The following CNTNAP2 variants were observed in gnomAD, a reference collection of about 807,000 sequenced individuals.
CNTNAP2 encodes the protein contactin-associated protein-like 2.
Under a neutral mutation model 155.2 loss-of-function variants are expected in CNTNAP2, and 98 were observed. The ratio of observed to expected loss-of-function variants is 0.63; its 90% confidence interval spans 0.54 to 0.75. The LOEUF (loss-of-function observed/expected upper bound fraction) is 0.75, where lower values mean the gene tolerates loss of function less well. Among genes scored for constraint, CNTNAP2 ranks in the 30% least tolerant of loss-of-function variants. CNTNAP2 has a pLI of 0.00. For synonymous variants in CNTNAP2, 651 were observed against 631.2 expected (o/e 1.03, Z -0.47); for missense variants, 1,727 against 1,688.1 (o/e 1.02, Z -0.40).
chr7:147,968,205 A>G (rs1801258342), intron 14 of CNTNAP2, among the ~76,000 whole-genome samples: 1 of 152,254 alleles, frequency 6.6e-6, no homozygotes, highest in African/African-American at 2.4e-5. Flanking sequence ...CAAATCAAAG[A>G]AAAACGTTTT....
Position 147,344,822 on chromosome 7 carries a change from T to C in CNTNAP2, c.1498+44532T>C, listed in dbSNP as rs143209904. Among the ~76,000 whole-genome samples the C allele has an allele frequency of 3.1e-3, 465 of 152,258 alleles. 5 individuals are homozygous for C. The highest frequency in any genetic ancestry group is 0.01 in the African/African-American group (432 of 41,546). ...ATAAACGTACATTAGGATCAAAATATTTCACATATCATCTGATTCTTCTGT... is the reference window on the plus strand; with the variant it reads ...ATAAACGTACATTAGGATCAAAATACTTCACATATCATCTGATTCTTCTGT... On this transcript the variant is annotated intron_variant, in intron 9 of 23. Coordinates refer to ENST00000361727, the MANE Select transcript of CNTNAP2 (RefSeq NM_014141.6).
chr7:148,085,556 A>T (rs1244895713), intron 15 of CNTNAP2, among the ~76,000 whole-genome samples: 1 of 152,194 alleles, frequency 6.6e-6, no homozygotes, highest in East Asian at 1.9e-4. Context: ...CAGCTCCCAA[A>T]TTGAAAAGAT....
In CNTNAP2 at chr7:148,281,005, G is replaced by T. The variant is rs150652422; in HGVS notation, c.3475+13879G>T. Among the ~76,000 whole-genome samples the T allele has an allele frequency of 1.7e-3, 262 of 152,276 alleles. 1 individual carries two copies. The highest frequency in any genetic ancestry group is 6.1e-3 in the African/African-American group (252 of 41,560). On this transcript the variant is annotated intron_variant, in intron 21 of 23. Coordinates refer to ENST00000361727, the MANE Select transcript of CNTNAP2 (RefSeq NM_014141.6). ...CTTCTGTGGAGCCATTTATTCATGG[G>T]ATATTTAGTCAGTGTCTCCTAGGGG...
chr7:147,148,186 C>G (rs1258341221), intron 8 of CNTNAP2, among the ~76,000 whole-genome samples: 1 of 151,456 alleles, frequency 6.6e-6, no homozygotes, highest in African/African-American at 2.4e-5. Context: ...GTCAGGAGAT[C>G]GAGACCATCC....
At chr7:146,373,690 TATAAC>T (rs1289203402) in intron 1 of CNTNAP2, among the ~76,000 whole-genome samples, 9 of 151,972 alleles carry the variant, frequency 5.9e-5, no homozygotes, top group Non-Finnish European at 1.3e-4. Context: ...TTGCCATAAA[TATAAC>T]AGAGAAAATA....
rs147675293 is a variant in CNTNAP2, at chr7:147,342,511, G to A, written c.1498+42221G>A. 3.1e-3 allele frequency among the ~76,000 whole-genome samples: 465 copies of A among 152,208 alleles called. 5 individuals are homozygous for A. Among genetic ancestry groups the A allele is most frequent in the African/African-American group, 0.01 (431 of 41,536 alleles). On this transcript the variant is annotated intron_variant, in intron 9 of 23. Coordinates refer to ENST00000361727, the MANE Select transcript of CNTNAP2 (RefSeq NM_014141.6). ...TGGTGGCCAGTTTAATGTCAGAAAT[G>A]TTTCCAAGCTTCTATTTATATTTGG...
chr7:148,193,212 AGG>A (rs1585179307), intron 18 of CNTNAP2, among the ~76,000 whole-genome samples: 2 of 152,140 alleles, frequency 1.3e-5, no homozygotes, highest in East Asian at 3.9e-4. Context: ...ACAGATTGAG[AGG>A]TTAGGTACTA....
chr7:147,018,327 C>G (rs1798761070), intron 3 of CNTNAP2, among the ~76,000 whole-genome samples: 1 of 152,008 alleles, frequency 6.6e-6, no homozygotes, highest in African/African-American at 2.4e-5. Context: ...GAATATTTAC[C>G]TAACTCCTTG....
At chr7:147,269,316 C>A (rs1804687926) in intron 8 of CNTNAP2, among the ~76,000 whole-genome samples, 2 of 152,070 alleles carry the variant, frequency 1.3e-5, no homozygotes, top group African/African-American at 4.8e-5. Flanking sequence ...TTGCAAAAAA[C>A]AAAGATTCTC....
intron 12 of CNTNAP2, among the ~76,000 whole-genome samples, chr7:147,595,515 G>A (rs1466274400): frequency 1.3e-5 from 2 of 152,218 alleles, no homozygotes; most frequent in East Asian, 3.9e-4. Context: ...AACGTTAGGT[G>A]GCTTAAAATA....
intron 10 of CNTNAP2, among the ~76,000 whole-genome samples, chr7:147,476,074 G>T (rs7458418): frequency 6.6e-6 from 1 of 151,424 alleles, no homozygotes; most frequent in African/African-American, 2.4e-5. Flanking sequence ...TAATATCCCC[G>T]CCTCTGTTTA....
chr7:147,726,281 G>T (rs188135181), intron 13 of CNTNAP2, among the ~76,000 whole-genome samples: 7 of 152,098 alleles, frequency 4.6e-5, no homozygotes, highest in African/African-American at 7.2e-5. Context: ...ACACAAAGAG[G>T]ACACAAGAAG....
At chr7:147,385,888 C>G (rs1459808928) in intron 9 of CNTNAP2, among the ~76,000 whole-genome samples, 1 of 152,212 alleles carries the variant, frequency 6.6e-6, no homozygotes, top group Non-Finnish European at 1.5e-5. Context: ...AGCAGAGGCT[C>G]TTCATGAGGG....
intron 8 of CNTNAP2, among the ~76,000 whole-genome samples, chr7:147,298,247 A>T (rs1477630052): frequency 6.6e-6 from 1 of 152,088 alleles, no homozygotes. Context: ...TGACATGGTG[A>T]AACCATGTCT....
chr7:147,743,877 G>C (rs1220818304), intron 13 of CNTNAP2, among the ~76,000 whole-genome samples: 1 of 152,130 alleles, frequency 6.6e-6, no homozygotes, highest in African/African-American at 2.4e-5. Context: ...CTACTGTGGA[G>C]TGGAGTGTTG....
chr7:148,146,651 T>C (rs1410986533), intron 16 of CNTNAP2, among the ~76,000 whole-genome samples: 1 of 152,228 alleles, frequency 6.6e-6, no homozygotes, highest in African/African-American at 2.4e-5. Context: ...CAACAGACGA[T>C]GTACGACAGG....
intron 12 of CNTNAP2, among the ~76,000 whole-genome samples, chr7:147,587,561 C>G (rs1800654367): frequency 6.6e-6 from 1 of 152,158 alleles, no homozygotes; most frequent in Non-Finnish European, 1.5e-5. Flanking sequence ...AATTGTAACA[C>G]TAGACTGCTG....
chr7:147,174,156 T>C (rs886147078), intron 8 of CNTNAP2, among the ~76,000 whole-genome samples: 5 of 152,066 alleles, frequency 3.3e-5, no homozygotes, highest in African/African-American at 1.2e-4. Flanking sequence ...TATACTGTAG[T>C]TTTTCTGTCT....
chr7:146,873,635 G>T (rs910251709), intron 3 of CNTNAP2, among the ~76,000 whole-genome samples: 1 of 152,012 alleles, frequency 6.6e-6, no homozygotes, highest in African/African-American at 2.4e-5. Flanking sequence ...GGAATGGGGT[G>T]TATGAGAAGA....
Sources: gnomAD v4.1 joint callset for allele counts (sites outside exome capture counted in the v4.1 genomes callset) on GRCh38, gnomAD v4.1.1 for gene constraint, MANE v1.5 for transcripts, NCBI Gene and HGNC (gene_info 2026-07-23, HGNC 2026-07-21) for gene names.